GRIN2A: variants seen among roughly 807,000 people sequenced by gnomAD.
GRIN2A encodes glutamate receptor ionotropic, NMDA 2A.
A neutral mutation model predicts 113.4 loss-of-function variants in GRIN2A; 22 were observed. The ratio of observed to expected loss-of-function variants is 0.19; its 90% confidence interval spans 0.14 to 0.28. The LOEUF (loss-of-function observed/expected upper bound fraction) is 0.28, where lower values mean the gene tolerates loss of function less well. Among genes scored for constraint, GRIN2A ranks in the 10% least tolerant of loss-of-function variants. The pLI is 1.00. For synonymous variants in GRIN2A, 827 were observed against 738.4 expected, an observed-to-expected ratio of 1.12 and a Z score of -1.94; for missense variants, 1,502 against 1,887.0, an observed-to-expected ratio of 0.80 and a Z score of 3.78.
intron 2 of GRIN2A, among the ~76,000 whole-genome samples, chr16:10,012,575 C>A (rs1365697227): frequency 6.6e-6 from 1 of 152,138 alleles, no homozygotes; most frequent in African/African-American, 2.4e-5. Context: ...GTGTCCATGT[C>A]CTAATCCCTG....
At chr16:10,098,657 C>G (rs57912738) in intron 2 of GRIN2A, among the ~76,000 whole-genome samples, 29,667 of 152,000 alleles carry the variant, frequency 0.2, 3,309 homozygotes, top group African/African-American at 0.3. Flanking sequence ...GGCATCTGCA[C>G]CAACCTGAAT....
intron 2 of GRIN2A, among the ~76,000 whole-genome samples, chr16:9,948,855 A>G (rs2045093336): frequency 6.6e-6 from 1 of 152,230 alleles, no homozygotes; most frequent in Admixed American, 6.5e-5. Flanking sequence ...ACCCCAGGGT[A>G]TGCATAGCCA....
intron 5 of GRIN2A, among the ~76,000 whole-genome samples, chr16:9,849,509 T>G (rs2042841040): frequency 6.6e-6 from 1 of 152,050 alleles, no homozygotes; most frequent in Non-Finnish European, 1.5e-5. Context: ...TAACTCGGTT[T>G]TATCATATTT....
At chr16:10,078,456 G>C (rs2047916937) in intron 2 of GRIN2A, among the ~76,000 whole-genome samples, 1 of 138,706 alleles carries the variant, frequency 7.2e-6, no homozygotes, top group Non-Finnish European at 1.6e-5. Context: ...TGGCAGATTA[G>C]GCAAGACAAG....
At chr16:10,140,362 C>T (rs193298468) in intron 2 of GRIN2A, among the ~76,000 whole-genome samples, 4 of 152,088 alleles carry the variant, frequency 2.6e-5, no homozygotes, top group African/African-American at 9.7e-5. Flanking sequence ...AATTCAGGCC[C>T]AAATCTCTTT....
rs188740019 is a variant in GRIN2A at position 9,961,091 on chromosome 16, T to A, written c.415-22540A>T. ...AGCAAGCATTCAATATATGTATGAC[T>A]TTAGCACCCAAAAGACTATTAGAAA... On this transcript the variant is annotated intron_variant, in intron 2 of 12. Transcript: ENST00000330684. Among the ~76,000 whole-genome samples, 55 of 152,368 alleles carry A rather than the reference T, an allele frequency of 3.6e-4. No individual in the cohort carries two copies. The East Asian group carries it at 7.9e-3, about 22-fold the overall frequency.
intron 3 of GRIN2A, among the ~76,000 whole-genome samples, chr16:9,922,762 A>C (rs1411021258): frequency 6.6e-6 from 1 of 150,410 alleles, no homozygotes; most frequent in African/African-American, 2.4e-5. Flanking sequence ...GGTTATTTAG[A>C]AGTTTGTTAT....
At chr16:9,837,955 T>G (rs891570024) in intron 7 of GRIN2A, among the ~76,000 whole-genome samples, 2 of 152,162 alleles carry the variant, frequency 1.3e-5, no homozygotes, top group African/African-American at 4.8e-5. Context: ...CTTAAATGGA[T>G]TATCAAAAAT....
intron 2 of GRIN2A, chr16:10,112,283 G>A (rs2048632672): frequency 1.4e-5 from 9 of 644,758 alleles, no homozygotes; most frequent in South Asian, 1.3e-4. Context: ...TGATTGGGAG[G>A]AATGTGGTGA....
intron 2 of GRIN2A, among the ~76,000 whole-genome samples, chr16:10,012,299 ACTTAAAGTT>A (rs2046521304): frequency 6.6e-6 from 1 of 152,226 alleles, no homozygotes; most frequent in South Asian, 2.1e-4. Context: ...CTTTTAAAGA[ACTTAAAGTT>A]CCTTCTCACA....
Position 9,756,194 on chromosome 16 carries a change from C to A in GRIN2A, c.*6955G>T, listed in dbSNP as rs1011040186. The A allele has an allele frequency of 8.8e-6, 2 of 227,384 alleles. No individual in the cohort carries two copies. 14.1% of individuals were successfully genotyped at this position (227,384 alleles called of 1,614,324 possible). On this transcript the variant is annotated 3_prime_UTR_variant, in exon 13 of 13. Transcript: ENST00000330684. ...ATGTATATATGTTTAATGGAATTAGCCCTGATGTTGACTGATAAAAAGATG... is the reference window on the plus strand; with the variant it reads ...ATGTATATATGTTTAATGGAATTAGACCTGATGTTGACTGATAAAAAGATG...
At chr16:10,015,258 A>C (rs993055869) in intron 2 of GRIN2A, among the ~76,000 whole-genome samples, 1 of 136,742 alleles carries the variant, frequency 7.3e-6, no homozygotes, top group African/African-American at 2.9e-5. Context: ...ATCTCAAAAA[A>C]AAAAAAAAAA....
chr16:9,789,866 G>C (rs1162983355), intron 11 of GRIN2A, among the ~76,000 whole-genome samples: 2 of 152,252 alleles, frequency 1.3e-5, no homozygotes, highest in African/African-American at 4.8e-5. Context: ...CTTGGGGAAG[G>C]CATTAGAGCT....
chr16:10,078,981 A>G (rs925563722), intron 2 of GRIN2A, among the ~76,000 whole-genome samples: 3 of 152,222 alleles, frequency 2.0e-5, no homozygotes, highest in African/African-American at 4.8e-5. Flanking sequence ...TGACAACAAT[A>G]ACAATACAGC....
chr16:10,155,695 A>T (rs1275622362), intron 2 of GRIN2A, among the ~76,000 whole-genome samples: 1 of 152,170 alleles, frequency 6.6e-6, no homozygotes, highest in African/African-American at 2.4e-5. Context: ...TCACAGTTCC[A>T]CATGGCTGGG....
At chr16:9,980,984 A>G (rs927927944) in intron 2 of GRIN2A, among the ~76,000 whole-genome samples, 4 of 151,692 alleles carry the variant, frequency 2.6e-5, no homozygotes, top group Admixed American at 1.3e-4. Context: ...AACTTAAAGT[A>G]TAATAATAAA....
rs187100652 is a variant in GRIN2A at position 10,087,734 on chromosome 16, G to C, written c.414+92264C>G. Among the ~76,000 whole-genome samples the C allele has an allele frequency of 1.7e-3, 264 of 152,218 alleles. 1 individual carries two copies. The highest frequency in any genetic ancestry group is 6.2e-3 in the African/African-American group (256 of 41,542). ...GAACAGGGTCTTACTCTGTGACCCA[G>C]GCTGGAGTGCAGTAGCATGATCTCA... On this transcript the variant is annotated intron_variant, in intron 2 of 12. Transcript: ENST00000330684.
intron 2 of GRIN2A, among the ~76,000 whole-genome samples, chr16:10,025,528 C>T (rs544018951): frequency 4.4e-4 from 67 of 152,062 alleles, no homozygotes; most frequent in African/African-American, 1.6e-3. Context: ...TCTTGAACTC[C>T]TAGGCTTAAG....
chr16:9,892,933 G>GAAAAAAA (rs57666918), intron 3 of GRIN2A, among the ~76,000 whole-genome samples: 3 of 96,568 alleles, frequency 3.1e-5, no homozygotes, highest in Non-Finnish European at 2.2e-5. Context: ...GCTAAAAAGT[G>GAAAAAAA]AAAAAAAAAA....
Sources: allele counts gnomAD v4.1 joint callset (sites outside exome capture counted in the v4.1 genomes callset), GRCh38; gene constraint gnomAD v4.1.1; transcripts MANE v1.5; gene names NCBI Gene and HGNC (gene_info 2026-07-23, HGNC 2026-07-21).